The following ATAD1 variants were observed in gnomAD, a reference collection of about 807,000 sequenced individuals.
The protein encoded by ATAD1 is outer mitochondrial transmembrane helix translocase.
Under a neutral mutation model 42.7 loss-of-function variants are expected in ATAD1, and 18 were observed. The observed-to-expected ratio is 0.42, with a 90% CI of 0.29 to 0.63. The LOEUF is 0.63. Ranked by LOEUF, ATAD1 falls within the 20% of genes least tolerant of loss-of-function variation. The pLI is 0.19. For synonymous variants in ATAD1, 132 were observed against 143.1 expected (o/e 0.92, Z 0.55); for missense variants, 294 against 440.4 (o/e 0.67, Z 2.98).
At chr10:87,796,055 G>GT (rs1190744969) in intron 2 of ATAD1, among the ~76,000 whole-genome samples, 1 of 148,216 alleles carries the variant, frequency 6.7e-6, no homozygotes, top group Non-Finnish European at 1.5e-5. Flanking sequence ...TTCTGAGTAT[G>GT]TAAGTATCTT....
upstream of ATAD1, among the ~76,000 whole-genome samples, chr10:87,820,677 C>G (rs1276759411): frequency 6.6e-6 from 1 of 152,200 alleles, no homozygotes; most frequent in African/African-American, 2.4e-5. Context: ...TGCTACACCT[C>G]ACTCCCTTTC....
At chr10:87,794,423 T>C (rs2131950518) in intron 2 of ATAD1, among the ~76,000 whole-genome samples, 1 of 152,302 alleles carries the variant, frequency 6.6e-6, no homozygotes, top group Middle Eastern at 3.4e-3. Flanking sequence ...CTGAATAACA[T>C]TTACTCTTCA....
At chr10:87,838,976 C>A (rs934898981) in intron 1 of ATAD1, among the ~76,000 whole-genome samples, 13 of 152,190 alleles carry the variant, frequency 8.5e-5, no homozygotes, top group African/African-American at 1.9e-4. Context: ...TGAAAAAATT[C>A]TTGGCACTAC....
chr10:87,811,905 C>A (rs74146214), intron 2 of ATAD1, among the ~76,000 whole-genome samples: 3,116 of 152,276 alleles, frequency 0.02, 98 homozygotes, highest in African/African-American at 0.069. Flanking sequence ...ATTTGCCCTA[C>A]CTACCAGTTT....
chr10:87,820,292 A>G (rs1857608183), upstream of ATAD1, among the ~76,000 whole-genome samples: 1 of 152,108 alleles, frequency 6.6e-6, no homozygotes, highest in Non-Finnish European at 1.5e-5. Flanking sequence ...GGGTAATTAT[A>G]TCCACTGGTA....
intron 1 of ATAD1, among the ~76,000 whole-genome samples, chr10:87,833,573 A>G (rs990357323): frequency 1.3e-5 from 2 of 151,906 alleles, no homozygotes. Context: ...TCAGTCTTTC[A>G]CCACATAATA....
At chr10:87,834,363 A>G (rs1484964209) in intron 1 of ATAD1, among the ~76,000 whole-genome samples, 1 of 152,172 alleles carries the variant, frequency 6.6e-6, no homozygotes, top group East Asian at 1.9e-4. Flanking sequence ...TAGAATTGGT[A>G]TTAATTCACC....
chr10:87,760,601 G>C (rs1331965867), intron 8 of ATAD1, among the ~76,000 whole-genome samples: 1 of 152,134 alleles, frequency 6.6e-6, no homozygotes, highest in East Asian at 1.9e-4. Context: ...TTGTTAACTA[G>C]CTGGGTGTGT....
intron 3 of ATAD1, among the ~76,000 whole-genome samples, chr10:87,791,784 C>G (rs1349660802): frequency 1.3e-5 from 2 of 152,082 alleles, no homozygotes; most frequent in African/African-American, 2.4e-5. Flanking sequence ...GATATAGGAT[C>G]TTATACATTA....
chr10:87,771,117 G>A (rs1382232291), intron 6 of ATAD1, 76 bp from the exon 7 acceptor site: 4 of 1,121,466 alleles, frequency 3.6e-6, no homozygotes, highest in Non-Finnish European at 5.1e-6. Context: ...CTAGGGCTTA[G>A]TTTTAAAAAT....
intron 8 of ATAD1, among the ~76,000 whole-genome samples, chr10:87,763,145 G>A (rs1854575594): frequency 7.1e-6 from 1 of 141,364 alleles, no homozygotes; most frequent in Non-Finnish European, 1.5e-5. Flanking sequence ...TAGGACCAAA[G>A]TTCCTTACCT....
At chr10:87,837,485 G>T (rs1360358280) in intron 1 of ATAD1, among the ~76,000 whole-genome samples, 1 of 152,174 alleles carries the variant, frequency 6.6e-6, no homozygotes, top group African/African-American at 2.4e-5. Context: ...CTTTAGTTCA[G>T]TCTCAAAGTC....
chr10:87,790,452 A>G (rs749166745), intron 3 of ATAD1, 22 bp from the exon 4 acceptor site: 3 of 1,585,110 alleles, frequency 1.9e-6, no homozygotes, highest in Middle Eastern at 1.9e-4. Flanking sequence ...TAAGGTCAAC[A>G]TGAATTTTAC....
chr10:87,801,185 T>A (rs1242647571), intron 2 of ATAD1, among the ~76,000 whole-genome samples: 1 of 152,236 alleles, frequency 6.6e-6, no homozygotes, highest in East Asian at 1.9e-4. Context: ...GAATTAAGTC[T>A]CCTCTCTCAA....
chr10:87,776,463 A>T, intron 5 of ATAD1, 36 bp from the exon 6 acceptor site: 1 of 1,517,106 alleles, frequency 6.6e-7, no homozygotes, highest in Non-Finnish European at 9.1e-7. Context: ...AGAAATTAAG[A>T]ATTAATTATT....
At chr10:87,765,389 C>G (rs1854692384) in intron 8 of ATAD1, among the ~76,000 whole-genome samples, 1 of 145,058 alleles carries the variant, frequency 6.9e-6, no homozygotes, top group African/African-American at 2.6e-5. Flanking sequence ...TTTGGGAAAA[C>G]AGGTAGCAAG....
At chr10:87,824,133 T>C (rs1431269987) in intron 1 of ATAD1, among the ~76,000 whole-genome samples, 4 of 151,666 alleles carry the variant, frequency 2.6e-5, no homozygotes, top group African/African-American at 9.7e-5. Flanking sequence ...GCCTAGAACA[T>C]AGGAGAGGCT....
At chr10:87,781,083 AAAAAGTACTCTGGATC>A (rs1427082012) in intron 5 of ATAD1, among the ~76,000 whole-genome samples, 1 of 152,190 alleles carries the variant, frequency 6.6e-6, no homozygotes, top group Non-Finnish European at 1.5e-5. Flanking sequence ...CTGAGGACAG[AAAAAGTACTCTGGATC>A]TTCTTAGGCA....
At chr10:87,759,137 C>G (rs1166725799) in intron 8 of ATAD1, among the ~76,000 whole-genome samples, 2 of 152,108 alleles carry the variant, frequency 1.3e-5, no homozygotes, top group African/African-American at 4.8e-5. Context: ...AATTGAGAAA[C>G]TCTTCTCATG....
Sources: allele counts gnomAD v4.1 joint callset (sites outside exome capture counted in the v4.1 genomes callset), GRCh38; gene constraint gnomAD v4.1.1; transcripts MANE v1.5; gene names NCBI Gene and HGNC (gene_info 2026-07-23, HGNC 2026-07-21).